The following CLDN16 variants were observed in gnomAD, a reference collection of about 807,000 sequenced individuals.
CLDN16 encodes the protein claudin 16.
Under a neutral mutation model 24.6 loss-of-function variants are expected in CLDN16, and 13 were observed. That is an observed-to-expected ratio of 0.53 (90% CI 0.34 to 0.84). The LOEUF (loss-of-function observed/expected upper bound fraction) is 0.84, where lower values mean the gene tolerates loss of function less well. Ranked by LOEUF, CLDN16 falls within the 40% of genes least tolerant of loss-of-function variation. The pLI is 0.01. For missense variants in CLDN16, 298 were observed against 292.7 expected, an observed-to-expected ratio of 1.02 and a Z score of -0.13; for synonymous variants, 116 against 106.7, an observed-to-expected ratio of 1.09 and a Z score of -0.54.
chr3:190,358,447 C>T (rs1413244626), intron 1 of CLDN16, among the ~76,000 whole-genome samples: 3 of 151,904 alleles, frequency 2.0e-5, no homozygotes, highest in Non-Finnish European at 4.4e-5. Context: ...AAATCAGACT[C>T]GTCCCTCCTG....
chr3:190,347,598 G>T (rs1338680609), intron 1 of CLDN16, among the ~76,000 whole-genome samples: 1 of 152,174 alleles, frequency 6.6e-6, no homozygotes, highest in Middle Eastern at 3.2e-3. Flanking sequence ...AGATAGGCAA[G>T]TTCCTGCCCT....
rs1719287626 is a variant in CLDN16 at position 190,411,571 on chromosome 3, A to T, written c.*1535A>T. ...AAATTAGTTCTTTGAAAAAAAAGAA[A>T]TTAAGTTGTGAATTTCTAAAGACCT... On this transcript the variant is annotated 3_prime_UTR_variant, in exon 5 of 5. Transcript: ENST00000264734. The T allele has an allele frequency of 6.6e-6, 1 of 152,230 alleles. No homozygotes were observed. Among genetic ancestry groups the T allele is most frequent in the Admixed American group, 6.5e-5 (1 of 15,286 alleles). The allele number at this position is 152,230 out of a possible 1,614,324, so 9.4% of individuals were successfully genotyped here.
At chr3:190,379,200 G>A (rs1193618298) in intron 3 of CLDN16, among the ~76,000 whole-genome samples, 2 of 152,006 alleles carry the variant, frequency 1.3e-5, no homozygotes, top group African/African-American at 4.8e-5. Context: ...AAATTCTGAA[G>A]TGTACCTTGG....
At position 190,368,743 on chromosome 3, in the gene CLDN16, A is replaced by G. The variant is rs548302922; in HGVS notation, n.122-2150A>G. ...TTCTGTCAGGACAAGGAAAACCAGC[A>G]TGAAGACAAAGCTGTCATTCTGAAG... On this transcript the variant is annotated intron_variant and non_coding_transcript_variant, in intron 1 of 4. Coordinates refer to the CLDN16 transcript ENST00000468220. 2.6e-5 allele frequency among the ~76,000 whole-genome samples: 4 copies of G among 152,088 alleles called. No homozygotes were observed. In the South Asian group the frequency reaches 8.3e-4, roughly 32 times the overall value.
intron 3 of CLDN16, among the ~76,000 whole-genome samples, chr3:190,374,790 A>C (rs1195564559): frequency 6.6e-6 from 1 of 152,028 alleles, no homozygotes; most frequent in African/African-American, 2.4e-5. Context: ...AAGGCTACTA[A>C]ACCTAAAACA....
the CLDN16 span, chr3:190,308,121 G>A: frequency 4.7e-6 from 4 of 860,080 alleles, no homozygotes; most frequent in Non-Finnish European, 5.7e-6. Flanking sequence ...TTAGCACTGA[G>A]TATTTTAACA....
chr3:190,393,941 C>T lies in CLDN16; in HGVS notation c.114+5498C>T, dbSNP rs1035220467. On this transcript the variant is annotated intron_variant, in intron 1 of 4. Transcript: ENST00000264734. ...AATTTTTTTGTATTTTTTGTAGAGA[C>T]GGGGTTTCACCATATTGGCCAGGCT... 1.1e-4 allele frequency among the ~76,000 whole-genome samples: 17 copies of T among 151,822 alleles called. No homozygotes were observed. In the East Asian group the frequency reaches 1.6e-3, roughly 14 times the overall value.
chr3:190,318,592 A>C (rs1716831871), upstream of CLDN16, among the ~76,000 whole-genome samples: 1 of 152,224 alleles, frequency 6.6e-6, no homozygotes, highest in African/African-American at 2.4e-5. Flanking sequence ...ACCATTATAC[A>C]CTTGGCTACT....
Position 190,343,659 on chromosome 3 carries a change from T to C in CLDN16, n.121+20998T>C, listed in dbSNP as rs143346981. Among the ~76,000 whole-genome samples the C allele has an allele frequency of 3.0e-3, 449 of 152,172 alleles. 4 individuals carry two copies. Among genetic ancestry groups the C allele is most frequent in the African/African-American group, 0.01 (418 of 41,534 alleles). ...AGATTCTGCCATTTGCCACGACATA[T>C]ATGAATCTGAAGGGCATTATGCTAC... On this transcript the variant is annotated intron_variant and non_coding_transcript_variant, in intron 1 of 4. Coordinates refer to the CLDN16 transcript ENST00000468220.
At chr3:190,354,227 G>A (rs999387076) in intron 1 of CLDN16, among the ~76,000 whole-genome samples, 3 of 151,964 alleles carry the variant, frequency 2.0e-5, no homozygotes, top group African/African-American at 4.8e-5. Context: ...TTAACACTCA[G>A]AGGTTTCAGG....
intron 1 of CLDN16, among the ~76,000 whole-genome samples, chr3:190,340,562 C>T (rs966259432): frequency 2.0e-5 from 3 of 152,144 alleles, no homozygotes; most frequent in Non-Finnish European, 2.9e-5. Flanking sequence ...TCCCACAACA[C>T]GTGGGAATCG....
chr3:190,337,025 C>G (rs946293727), intron 1 of CLDN16, among the ~76,000 whole-genome samples: 1 of 152,202 alleles, frequency 6.6e-6, no homozygotes, highest in Non-Finnish European at 1.5e-5. Flanking sequence ...ATGGGAGAAT[C>G]CTTATGAGCA....
intron 1 of CLDN16, among the ~76,000 whole-genome samples, chr3:190,390,145 C>A (rs1271482686): frequency 2.0e-5 from 3 of 152,196 alleles, no homozygotes; most frequent in East Asian, 3.9e-4. Flanking sequence ...CTCAAGTAAA[C>A]CCTTGCTAAC....
intron 1 of CLDN16, among the ~76,000 whole-genome samples, chr3:190,362,431 A>T (rs1432705818): frequency 6.6e-6 from 1 of 151,878 alleles, no homozygotes; most frequent in African/African-American, 2.4e-5. Context: ...CAACCTGACC[A>T]GTCAGCACTC....
chr3:190,403,098 C>G (rs1447636202), intron 2 of CLDN16, among the ~76,000 whole-genome samples: 3 of 152,092 alleles, frequency 2.0e-5, no homozygotes, highest in African/African-American at 7.2e-5. Context: ...GAGGCCAAGG[C>G]GGGTGGATCA....
rs528624943 is a variant in CLDN16 at position 190,361,820 on chromosome 3, G to A, written n.122-9073G>A. Among the ~76,000 whole-genome samples, 4 of 151,972 alleles carry A rather than the reference G, an allele frequency of 2.6e-5. No individual in the cohort carries two copies. The South Asian group carries it at 8.3e-4, about 32-fold the overall frequency. On this transcript the variant is annotated intron_variant and non_coding_transcript_variant, in intron 1 of 4. Coordinates refer to the CLDN16 transcript ENST00000468220. ...GGGAATTCCAGCAGCTGTGCCAACAGAAAAGGGCTAGCTGGGGGCCAGACA... is the reference window on the plus strand; with the variant it reads ...GGGAATTCCAGCAGCTGTGCCAACAAAAAAGGGCTAGCTGGGGGCCAGACA...
At chr3:190,297,735 T>C in the CLDN16 span, among the ~76,000 whole-genome samples, 1 of 145,342 alleles carries the variant, frequency 6.9e-6, no homozygotes, top group Non-Finnish European at 1.5e-5. Flanking sequence ...TTTTCAGATA[T>C]ATATATATAC....
In CLDN16 at chr3:190,388,299, A is replaced by G; in HGVS notation, c.-31A>G. 5 of 1,614,112 alleles carry G rather than the reference A, an allele frequency of 3.1e-6. No homozygotes were observed. Among genetic ancestry groups the G allele is most frequent in the Non-Finnish European group, 4.2e-6 (5 of 1,180,006 alleles). On this transcript the variant is annotated 5_prime_UTR_variant, in exon 1 of 5. It removes an upstream start codon present in the reference 5' UTR. Coordinates refer to ENST00000264734, the MANE Select transcript of CLDN16 (RefSeq NM_006580.4). ...GTGGGGCCAGGGCTGGTGTCTGCCC[A>G]TGTTGCCATCCTGATGGGCTGCTTG...
At chr3:190,290,944 A>G in the CLDN16 span, among the ~76,000 whole-genome samples, 1 of 152,182 alleles carries the variant, frequency 6.6e-6, no homozygotes, top group Non-Finnish European at 1.5e-5. Context: ...TCAGTTGGTG[A>G]TAAGAATTAT....
Sources: allele counts gnomAD v4.1 joint callset (sites outside exome capture counted in the v4.1 genomes callset), GRCh38; gene constraint gnomAD v4.1.1; transcripts MANE v1.5; gene names NCBI Gene and HGNC (gene_info 2026-07-23, HGNC 2026-07-21).